RPTOR: variants seen among roughly 807,000 people sequenced by gnomAD.
The protein encoded by RPTOR is regulatory associated protein of MTOR complex 1.
A neutral mutation model predicts 169.9 loss-of-function variants in RPTOR; 21 were observed. The ratio of observed to expected loss-of-function variants is 0.12; its 90% CI spans 0.09 to 0.18. RPTOR has a LOEUF of 0.18. RPTOR is among the 10% of genes least tolerant of loss of function. RPTOR has a pLI of 1.00. For synonymous variants in RPTOR, 732 were observed against 753.2 expected (o/e 0.97, Z 0.46); for missense variants, 1,133 against 1,855.9 (o/e 0.61, Z 7.16).
At chr17:80,648,548 G>A (rs2065614296) in intron 3 of RPTOR, among the ~76,000 whole-genome samples, 1 of 151,970 alleles carries the variant, frequency 6.6e-6, no homozygotes, top group Non-Finnish European at 1.5e-5. Flanking sequence ...GGTGGGAGGC[G>A]CCTAGTCAGG....
At chr17:80,841,977 G>GCACCGCAGCTCACTCTCACCC (rs1567943866) in intron 10 of RPTOR, among the ~76,000 whole-genome samples, 1 of 139,138 alleles carries the variant, frequency 7.2e-6, no homozygotes, top group African/African-American at 2.7e-5. Context: ...CACTCTCACC[G>GCACCGCAGCTCACTCTCACCC]CACCGCAGCT....
intron 6 of RPTOR, among the ~76,000 whole-genome samples, chr17:80,768,059 T>TA (rs1239309947): frequency 1.3e-5 from 2 of 152,164 alleles, no homozygotes; most frequent in African/African-American, 4.8e-5. Flanking sequence ...AGATGGGGTT[T>TA]CACCATGTTA....
intron 1 of RPTOR, among the ~76,000 whole-genome samples, chr17:80,605,329 C>G (rs1174721418): frequency 1.3e-5 from 2 of 152,138 alleles, no homozygotes; most frequent in Admixed American, 1.3e-4. Flanking sequence ...TTTGTGATGG[C>G]AGGTGTATAA....
At chr17:80,822,137 C>T in intron 7 of RPTOR, 64 bp from the exon 8 acceptor site, 3 of 1,517,214 alleles carry the variant, frequency 2.0e-6, no homozygotes, top group Admixed American at 3.3e-5. Context: ...TTCTTGCAAC[C>T]TCTCTTCCAT....
At position 80,625,750 on chromosome 17, in the gene RPTOR, T is replaced by C; in HGVS notation, c.222T>C (p.Asp74=). The C allele has an allele frequency of 6.2e-7, 1 of 1,613,606 alleles. No individual in the cohort carries two copies. Among genetic ancestry groups the C allele is most frequent in the Non-Finnish European group, 8.5e-7 (1 of 1,179,886 alleles). The part of the protein sequence containing the change: ...LCLNVGVDPP[D]VVKTTPCARL... ...TGAATGTTGGTGTGGACCCTCCCGA[T>C]GTGGTGAAGACCACGCCCTGTGCAC... is the stretch of plus-strand genomic sequence containing the variant. The change falls in exon 2 of 34, where the codon GAT becomes GAC. Residue 74 remains aspartate (D), a synonymous_variant. Transcript: ENST00000306801.
chr17:80,948,908 C>G (rs569302090), intron 27 of RPTOR, among the ~76,000 whole-genome samples: 1 of 152,268 alleles, frequency 6.6e-6, no homozygotes, highest in Non-Finnish European at 1.5e-5. Context: ...ACGTCTTAGG[C>G]GGAGAGCCCA....
intron 6 of RPTOR, among the ~76,000 whole-genome samples, chr17:80,762,485 G>C (rs1267141064): frequency 6.6e-6 from 1 of 152,220 alleles, no homozygotes; most frequent in Non-Finnish European, 1.5e-5. Context: ...ATGGCCTGCT[G>C]TGCTGTGTCT....
rs2069422570 is a variant in RPTOR, at chr17:80,965,919, G to A, written c.*1589G>A. ...CGAGAAAGCAGCCCGGGTCCGGAAG[G>A]TGTAGAGAGTCCCGGCCTCACTCAG... is the stretch of plus-strand genomic sequence containing the variant. On this transcript the variant is annotated 3_prime_UTR_variant, in exon 34 of 34. Transcript: ENST00000306801. 1 of 233,258 alleles carries A rather than the reference G, an allele frequency of 4.3e-6. No homozygotes were observed. The highest frequency in any genetic ancestry group is 8.5e-6 in the Non-Finnish European group (1 of 118,110). 14.4% of individuals were successfully genotyped at this position (233,258 alleles called of 1,614,324 possible).
chr17:80,856,343 A>G (rs528669411), intron 12 of RPTOR, among the ~76,000 whole-genome samples: 2 of 152,322 alleles, frequency 1.3e-5, no homozygotes, highest in East Asian at 1.9e-4. Context: ...ATATTCACCA[A>G]TGAAATCACA....
intron 4 of RPTOR, among the ~76,000 whole-genome samples, chr17:80,713,022 T>G (rs751551907): frequency 5.5e-4 from 83 of 152,214 alleles, no homozygotes; most frequent in Non-Finnish European, 9.0e-4. Context: ...GTTTTTCTTG[T>G]TGCTGAGTTT....
In RPTOR at chr17:80,545,012, G is replaced by A. The variant is rs947195822; in HGVS notation, c.-618G>A. Reference sequence around the variant, plus strand: ...TCAGGCAGGAGAGAGCCTCGGGGCTGAAGGCCAGGACCAGCCAGGCCGCGC... The same window carrying A: ...TCAGGCAGGAGAGAGCCTCGGGGCTAAAGGCCAGGACCAGCCAGGCCGCGC... On this transcript the variant is annotated 5_prime_UTR_variant, in exon 1 of 34. Coordinates refer to ENST00000306801, the MANE Select transcript of RPTOR (RefSeq NM_020761.3). The A allele has an allele frequency of 4.7e-5, 11 of 232,952 alleles. No homozygotes were observed. The highest frequency in any genetic ancestry group is 5.9e-5 in the Non-Finnish European group (7 of 117,678). 14.4% of individuals were successfully genotyped at this position (232,952 alleles called of 1,614,324 possible).
intron 11 of RPTOR, among the ~76,000 whole-genome samples, chr17:80,855,205 G>A (rs2067839268): frequency 6.6e-6 from 1 of 152,216 alleles, no homozygotes; most frequent in Admixed American, 6.5e-5. Context: ...CTTTTTAAAT[G>A]CAATTAAAGC....
chr17:80,721,412 G>A lies in RPTOR; in HGVS notation c.508-9148G>A, dbSNP rs549402016. Among the ~76,000 whole-genome samples the A allele has an allele frequency of 1.3e-5, 2 of 151,406 alleles. No individual in the cohort carries two copies. The highest frequency in any genetic ancestry group is 2.1e-4 in the South Asian group (1 of 4,830). Reference sequence around the variant, plus strand: ...AGGTGTGAGAATCACTCACTTCCTCGGCAGGGCCTGCACGCACCTGGTGCA... The same window carrying A: ...AGGTGTGAGAATCACTCACTTCCTCAGCAGGGCCTGCACGCACCTGGTGCA... On this transcript the variant is annotated intron_variant, in intron 4 of 33. Transcript: ENST00000306801. This position sits in a 1 kb window ranked among gnomAD's most constrained non-coding sequence, Gnocchi z 4.7.
chr17:80,599,858 T>C (rs543805207), intron 1 of RPTOR, among the ~76,000 whole-genome samples: 2 of 152,302 alleles, frequency 1.3e-5, no homozygotes, highest in South Asian at 4.1e-4. Flanking sequence ...AAAGTATGTG[T>C]GTATTTAATG....
intron 24 of RPTOR, among the ~76,000 whole-genome samples, chr17:80,929,872 C>CTGTTT (rs1471384145): frequency 6.6e-6 from 1 of 152,164 alleles, no homozygotes; most frequent in Non-Finnish European, 1.5e-5. Context: ...ATGACTTTTT[C>CTGTTT]TGTTTTGTTT....
chr17:80,946,037 G>C lies in RPTOR; in HGVS notation c.3140+256G>C, dbSNP rs2138119. 0.36 allele frequency among the ~76,000 whole-genome samples: 54,851 copies of C among 152,100 alleles called. 10,057 individuals are homozygous for C. Among genetic ancestry groups the C allele is most frequent in the East Asian group, 0.47 (2,425 of 5,138 alleles). Reference sequence around the variant, plus strand: ...CAGAGTCCTGCCTGCAGGTCAGAGGGGAGTGGCAGGGACTCCCCAGTGACA... The same window carrying C: ...CAGAGTCCTGCCTGCAGGTCAGAGGCGAGTGGCAGGGACTCCCCAGTGACA... On this transcript the variant is annotated intron_variant, in intron 26 of 33. Coordinates refer to ENST00000306801, the MANE Select transcript of RPTOR (RefSeq NM_020761.3).
At chr17:80,662,001 C>A (rs1166527641) in intron 3 of RPTOR, among the ~76,000 whole-genome samples, 1 of 152,184 alleles carries the variant, frequency 6.6e-6, no homozygotes, top group East Asian at 1.9e-4. Context: ...AAGCTTAGAA[C>A]ACCCGTTTTT....
Position 80,754,178 on chromosome 17 carries a change from C to T in RPTOR, c.823C>T (p.Leu275=), listed in dbSNP as rs2066657396. Residue 275 remains leucine, a synonymous_variant, in exon 6 of 34, where the codon CTG becomes TTG. Transcript: ENST00000306801. The surrounding 1 kb of genome is among the most constrained non-coding windows in gnomAD (Gnocchi z 4.2). ...CCTCACCACCCCCATCAAGATCGCC[C>T]TGCGCTGGTGAGTGGCCCCTGCTGT... is the stretch of plus-strand genomic sequence containing the variant. ...SCLTTPIKIA[L]RWFCMQKCVS... is the part of the protein sequence containing the mutation. 1.2e-6 allele frequency: 2 copies of T among 1,602,922 alleles called. No homozygotes were observed. The highest frequency in any genetic ancestry group is 1.7e-6 in the Non-Finnish European group (2 of 1,173,320).
At chr17:80,678,254 T>C (rs191840061) in intron 3 of RPTOR, among the ~76,000 whole-genome samples, 7 of 152,216 alleles carry the variant, frequency 4.6e-5, no homozygotes, top group Non-Finnish European at 8.8e-5. Context: ...TTTTGACATA[T>C]GGGTGGATGG....
Sources: allele counts gnomAD v4.1 joint callset (sites outside exome capture counted in the v4.1 genomes callset), GRCh38; gene constraint gnomAD v4.1.1; non-coding constraint Gnocchi (gnomAD v3.1); transcripts MANE v1.5; gene names NCBI Gene and HGNC (gene_info 2026-07-23, HGNC 2026-07-21).